PCDHA6: variants seen among roughly 807,000 people sequenced by gnomAD.
The protein encoded by PCDHA6 is protocadherin alpha 6, also known as protocadherin alpha-6.
A neutral mutation model predicts 60.3 loss-of-function variants in PCDHA6; 55 were observed. The ratio of observed to expected loss-of-function variants is 0.91; its 90% confidence interval spans 0.73 to 1.14. The LOEUF is 1.14. PCDHA6 is among the 50% of genes most tolerant of loss of function. PCDHA6 has a pLI of 0.00. For missense variants in PCDHA6, 1,327 were observed against 1,256.5 expected (o/e 1.06, Z -0.85); for synonymous variants, 652 against 557.9 (o/e 1.17, Z -2.38).
At chr5:140,870,139 T>C in intron 1 of PCDHA6, 1 of 1,613,992 alleles carries the variant, frequency 6.2e-7, no homozygotes, top group Non-Finnish European at 8.5e-7. Flanking sequence ...CAACGATAAC[T>C]CTCCTGAAGT....
At chr5:140,838,332 C>T (rs1177546709) in intron 1 of PCDHA6, among the ~76,000 whole-genome samples, 2 of 149,836 alleles carry the variant, frequency 1.3e-5, no homozygotes, top group African/African-American at 2.5e-5. Flanking sequence ...CCATGTTGCC[C>T]CGGCTGGTCT....
intron 1 of PCDHA6, chr5:140,850,823 TTC>T (rs1310925868): frequency 6.3e-7 from 1 of 1,598,142 alleles, no homozygotes; most frequent in African/African-American, 1.3e-5. Flanking sequence ...GCCCGGGCCT[TTC>T]TCCTTGTGCT....
chr5:140,979,020 C>T lies in PCDHA6; in HGVS notation c.2453+13C>T. The T allele has an allele frequency of 6.2e-7, 1 of 1,613,708 alleles. No individual in the cohort carries two copies. Among genetic ancestry groups the T allele is most frequent in the Non-Finnish European group, 8.5e-7 (1 of 1,179,840 alleles). On this transcript the variant is annotated intron_variant, in intron 2 of 3. Transcript: ENST00000529310. ...CAGGCATGCACAGGTATGTATTTCC[C>T]TCCTCATTCACTCAGAAGTAACCTT...
At chr5:140,980,113 C>T (rs2096877031) in intron 2 of PCDHA6, among the ~76,000 whole-genome samples, 1 of 152,096 alleles carries the variant, frequency 6.6e-6, no homozygotes, top group African/African-American at 2.4e-5. Context: ...ACATTGGAAC[C>T]TGGGTCATAA....
intron 3 of PCDHA6, among the ~76,000 whole-genome samples, chr5:140,996,757 G>A (rs2097743678): frequency 6.6e-6 from 1 of 152,014 alleles, no homozygotes; most frequent in South Asian, 2.1e-4. Context: ...TATCTGTGCA[G>A]GACTAAAATA....
At chr5:140,871,192 G>GTGTACC (rs1171954428) in intron 1 of PCDHA6, 40 of 1,613,550 alleles carry the variant, frequency 2.5e-5, no homozygotes, top group Non-Finnish European at 3.1e-5. Context: ...GGATGTCAAC[G>GTGTACC]TGTACCTGAT....
At chr5:140,882,606 C>T in intron 1 of PCDHA6, 2 of 1,614,238 alleles carry the variant, frequency 1.2e-6, no homozygotes, top group Non-Finnish European at 1.7e-6. Context: ...GTGGACAGGC[C>T]TCTGCAGGTT....
chr5:140,836,668 A>G (rs1404155432), intron 1 of PCDHA6: 5 of 1,613,218 alleles, frequency 3.1e-6, no homozygotes, highest in East Asian at 4.5e-5. Context: ...TGCTCTGGGG[A>G]GGGCCCACCC....
At chr5:140,843,015 T>G in intron 1 of PCDHA6, 1 of 1,595,148 alleles carries the variant, frequency 6.3e-7, no homozygotes, top group Non-Finnish European at 8.6e-7. Context: ...GCGCCGGCAC[T>G]GCTGGAGCCT....
chr5:140,892,772 C>G (rs1053940130), intron 1 of PCDHA6, among the ~76,000 whole-genome samples: 1 of 152,144 alleles, frequency 6.6e-6, no homozygotes, highest in African/African-American at 2.4e-5. Context: ...ACTCTTCTAG[C>G]TTCTTGAAAA....
intron 1 of PCDHA6, chr5:140,861,595 T>G (rs1195852387): frequency 1.9e-5 from 7 of 367,584 alleles, no homozygotes; most frequent in Admixed American, 8.8e-5. Context: ...GAGGTGAAAG[T>G]GAAGAACAAT....
chr5:140,899,936 T>A (rs1443562291), intron 1 of PCDHA6, among the ~76,000 whole-genome samples: 1 of 152,064 alleles, frequency 6.6e-6, no homozygotes, highest in Non-Finnish European at 1.5e-5. Context: ...GCCTCCTGAA[T>A]AGCTGGGACC....
chr5:140,948,558 G>A (rs2094272533), intron 1 of PCDHA6, among the ~76,000 whole-genome samples: 2 of 151,514 alleles, frequency 1.3e-5, no homozygotes, highest in Admixed American at 1.3e-4. Flanking sequence ...ATTTTGTTAA[G>A]TTGTATTTTT....
At chr5:140,875,772 G>T (rs781933974) in intron 1 of PCDHA6, 2 of 1,614,136 alleles carry the variant, frequency 1.2e-6, no homozygotes, top group Non-Finnish European at 1.7e-6. Context: ...GGCGGAGCGC[G>T]GAGTGCAGTA....
chr5:140,927,191 T>G, intron 1 of PCDHA6: 1 of 1,614,144 alleles, frequency 6.2e-7, no homozygotes. Flanking sequence ...TACGACCTGG[T>G]GCTCGAGGAC....
intron 1 of PCDHA6, among the ~76,000 whole-genome samples, chr5:140,949,913 A>G (rs554549969): frequency 9.9e-5 from 15 of 151,452 alleles, no homozygotes; most frequent in Admixed American, 2.6e-4. Context: ...TTTAGATATA[A>G]CTATTTTTAG....
chr5:140,997,668 TTGTG>T lies in PCDHA6; in HGVS notation c.2543-11933_2543-11930del, dbSNP rs35184029. On this transcript the variant is annotated intron_variant, in intron 3 of 3. Coordinates refer to ENST00000529310, the MANE Select transcript of PCDHA6 (RefSeq NM_018909.4). ...AATGCAATATGTATTATTATACAGC[TTGTG>T]TGTGTGTGTGTGTGTGTGTGTGTGT... Among the ~76,000 whole-genome samples, 716 of 148,202 alleles carry T rather than the reference TTGTG, an allele frequency of 4.8e-3. 2 individuals carry two copies. The highest frequency in any genetic ancestry group is 0.01 in the Middle Eastern group (3 of 294).
intron 1 of PCDHA6, among the ~76,000 whole-genome samples, chr5:140,952,753 A>T (rs782624078): frequency 4.6e-5 from 7 of 152,194 alleles, no homozygotes; most frequent in Non-Finnish European, 1.0e-4. Context: ...CTATAAAAAC[A>T]CCTGAGACTG....
At chr5:140,851,681 T>C (rs1405649457) in intron 1 of PCDHA6, 22 of 923,332 alleles carry the variant, frequency 2.4e-5, no homozygotes, top group Non-Finnish European at 2.8e-5. Flanking sequence ...ATTTTCTCCA[T>C]TCAGTGATAA....
Sources: gnomAD v4.1 joint callset for allele counts (sites outside exome capture counted in the v4.1 genomes callset) on GRCh38, gnomAD v4.1.1 for gene constraint, MANE v1.5 for transcripts, NCBI Gene and HGNC (gene_info 2026-07-23, HGNC 2026-07-21) for gene names.